The following PRKCE variants were observed in gnomAD, a reference collection of about 807,000 sequenced individuals.
PRKCE encodes protein kinase C epsilon type.
A neutral mutation model predicts 85.4 loss-of-function variants in PRKCE; 16 were observed. The observed-to-expected ratio is 0.19, with a 90% CI of 0.13 to 0.28. The LOEUF (loss-of-function observed/expected upper bound fraction) is 0.28, where lower values mean the gene tolerates loss of function less well. Among genes scored for constraint, PRKCE ranks in the 10% least tolerant of loss-of-function variants. The pLI, the probability that PRKCE is intolerant of heterozygous loss-of-function variation, is 1.00. For missense variants in PRKCE, 573 were observed against 975.2 expected (o/e 0.59, Z 5.49); for synonymous variants, 388 against 371.5 (o/e 1.04, Z -0.51).
chr2:46,038,384 T>C (rs1273491172), intron 10 of PRKCE, among the ~76,000 whole-genome samples: 1 of 152,108 alleles, frequency 6.6e-6, no homozygotes, highest in Admixed American at 6.6e-5. Flanking sequence ...GATCTTATCA[T>C]GGTACAATGA....
intron 2 of PRKCE, among the ~76,000 whole-genome samples, chr2:45,871,280 G>C (rs1694067820): frequency 6.6e-6 from 1 of 152,220 alleles, no homozygotes; most frequent in African/African-American, 2.4e-5. Flanking sequence ...GCTCTCCCTG[G>C]TGAAAACAAA....
At chr2:46,124,927 A>G (rs1269312111) in intron 11 of PRKCE, among the ~76,000 whole-genome samples, 1 of 152,228 alleles carries the variant, frequency 6.6e-6, no homozygotes, top group African/African-American at 2.4e-5. Context: ...AAATTTTTAG[A>G]CACATTTAAA....
At chr2:45,939,907 C>T (rs138417507) in intron 2 of PRKCE, among the ~76,000 whole-genome samples, 3 of 152,316 alleles carry the variant, frequency 2.0e-5, no homozygotes, top group Admixed American at 6.5e-5. Context: ...AGTCTGCCGT[C>T]ATTTCTGAGA....
chr2:45,896,228 T>G (rs1375921215), intron 2 of PRKCE, among the ~76,000 whole-genome samples: 1 of 152,196 alleles, frequency 6.6e-6, no homozygotes, highest in Non-Finnish European at 1.5e-5. Context: ...TTGAAAGGCA[T>G]GGACTCTTTG....
At chr2:46,119,244 A>C (rs1204126073) in intron 11 of PRKCE, among the ~76,000 whole-genome samples, 2 of 152,090 alleles carry the variant, frequency 1.3e-5, no homozygotes, top group Admixed American at 1.3e-4. Context: ...TGCTGATTAC[A>C]GTAGCAGCTT....
chr2:45,795,829 C>A (rs1160516735), intron 1 of PRKCE, among the ~76,000 whole-genome samples: 1 of 152,100 alleles, frequency 6.6e-6, no homozygotes, highest in Non-Finnish European at 1.5e-5. Flanking sequence ...GAGCAGAGCT[C>A]GGCAATGCTG....
intron 6 of PRKCE, among the ~76,000 whole-genome samples, chr2:45,988,165 T>A (rs1383657956): frequency 2.0e-5 from 3 of 152,192 alleles, no homozygotes; most frequent in African/African-American, 7.2e-5. Context: ...GGAGCTCTGG[T>A]CCCCTGGTCC....
intron 1 of PRKCE, among the ~76,000 whole-genome samples, chr2:45,759,953 A>T (rs1684324096): frequency 6.6e-6 from 1 of 152,194 alleles, no homozygotes; most frequent in African/African-American, 2.4e-5. Context: ...ACTGAAGGGC[A>T]TGGGAGCAGC....
chr2:46,156,502 G>A (rs1208210960), intron 13 of PRKCE, among the ~76,000 whole-genome samples: 1 of 152,206 alleles, frequency 6.6e-6, no homozygotes, highest in African/African-American at 2.4e-5. Flanking sequence ...GGTACAGAAT[G>A]GAGACTCATG....
rs527914629 is a variant in PRKCE, at chr2:46,005,136, A to G, written c.1063+498A>G. Among the ~76,000 whole-genome samples the G allele has an allele frequency of 3.1e-4, 47 of 152,310 alleles. No homozygotes were observed. In the South Asian group the frequency reaches 9.5e-3, roughly 31 times the overall value. The stretch of plus-strand genomic sequence containing the variant: ...CCTTTGGGTGGGTGAGGATAGAAAG[A>G]TGAAGCTAGAGGAGAGACTGAGAAA... On this transcript the variant is annotated intron_variant, in intron 8 of 14. Coordinates refer to ENST00000306156, the MANE Select transcript of PRKCE (RefSeq NM_005400.3).
intron 6 of PRKCE, among the ~76,000 whole-genome samples, chr2:45,997,586 AC>A (rs1405253957): frequency 6.6e-6 from 1 of 151,934 alleles, no homozygotes; most frequent in Non-Finnish European, 1.5e-5. Flanking sequence ...TCACTCTGTC[AC>A]CCAGGCTGGA....
chr2:46,169,530 G>A (rs1379223951), intron 14 of PRKCE, among the ~76,000 whole-genome samples: 1 of 152,178 alleles, frequency 6.6e-6, no homozygotes, highest in African/African-American at 2.4e-5. Flanking sequence ...GCCCAGCTAG[G>A]CGTGGAAGAG....
At chr2:46,029,438 G>A (rs368374461) in intron 10 of PRKCE, among the ~76,000 whole-genome samples, 4 of 152,180 alleles carry the variant, frequency 2.6e-5, no homozygotes, top group African/African-American at 4.8e-5. Flanking sequence ...ATGTGACACC[G>A]GGGTGAACAG....
chr2:46,169,787 G>A (rs1396546453), intron 14 of PRKCE, among the ~76,000 whole-genome samples: 1 of 152,166 alleles, frequency 6.6e-6, no homozygotes, highest in Non-Finnish European at 1.5e-5. Flanking sequence ...TAGGGACCTG[G>A]GGTGTGGGTG....
chr2:45,764,957 T>C (rs1236440888), intron 1 of PRKCE, among the ~76,000 whole-genome samples: 1 of 152,168 alleles, frequency 6.6e-6, no homozygotes, highest in Non-Finnish European at 1.5e-5. Flanking sequence ...AGGTCTCTCC[T>C]TGACATCAAG....
At chr2:46,045,323 T>G (rs1294587552) in intron 10 of PRKCE, among the ~76,000 whole-genome samples, 1 of 152,252 alleles carries the variant, frequency 6.6e-6, no homozygotes, top group Non-Finnish European at 1.5e-5. Flanking sequence ...TACTGCATGT[T>G]GTGGTTAAAA....
intron 2 of PRKCE, among the ~76,000 whole-genome samples, chr2:45,875,203 G>T (rs1694383443): frequency 6.6e-6 from 1 of 152,216 alleles, no homozygotes; most frequent in Admixed American, 6.5e-5. Flanking sequence ...TCTGGGAGAA[G>T]AGAACCAAAT....
chr2:46,121,612 T>A (rs768827508), intron 11 of PRKCE, among the ~76,000 whole-genome samples: 3 of 152,162 alleles, frequency 2.0e-5, no homozygotes, highest in Non-Finnish European at 4.4e-5. Context: ...CTAAAAGATA[T>A]TGACCAATTG....
At chr2:46,156,476 A>G (rs1574623717) in intron 13 of PRKCE, among the ~76,000 whole-genome samples, 1 of 152,052 alleles carries the variant, frequency 6.6e-6, no homozygotes. Flanking sequence ...GTGTCTCATC[A>G]CTCACCACAG....
Sources: gnomAD v4.1 joint callset for allele counts (sites outside exome capture counted in the v4.1 genomes callset) on GRCh38, gnomAD v4.1.1 for gene constraint, MANE v1.5 for transcripts, NCBI Gene and HGNC (gene_info 2026-07-23, HGNC 2026-07-21) for gene names.